ZNF701: variants seen among roughly 807,000 people sequenced by gnomAD.
The protein encoded by ZNF701 is zinc finger protein 701.
In ZNF701, 6 loss-of-function variants were observed where a neutral mutation model predicts 7.1. That is an observed-to-expected ratio of 0.84 (90% CI 0.46 to 1.66). The LOEUF is 1.66. Among genes scored for constraint, ZNF701 ranks in the 40% most tolerant of loss-of-function variants. The probability of loss-of-function intolerance (pLI) is 0.01; values close to 1 mark genes in which losing one functional copy is unlikely to be tolerated. For synonymous variants in ZNF701, 166 were observed against 188.2 expected (o/e 0.88, Z 0.97); for missense variants, 541 against 559.2 (o/e 0.97, Z 0.33).
chr19:52,572,507 T>G, intron 1 of ZNF701: 1 of 789,966 alleles, frequency 1.3e-6, no homozygotes, highest in South Asian at 1.7e-5. Context: ...TGAAAGAGGC[T>G]TCTCTAATTT....
At chr19:52,582,127 T>G in intron 3 of ZNF701, 75 bp from the exon 4 acceptor site, 1 of 1,286,538 alleles carries the variant, frequency 7.8e-7, no homozygotes, top group East Asian at 2.5e-5. Flanking sequence ...TTGTTTTTTA[T>G]GTAATATTTA....
chr19:52,579,384 G>A (rs2146988908), intron 3 of ZNF701, among the ~76,000 whole-genome samples: 1 of 141,204 alleles, frequency 7.1e-6, no homozygotes, highest in East Asian at 2.0e-4. Context: ...TTAGCCGGGT[G>A]TGGTGGCGGG....
intron 3 of ZNF701, among the ~76,000 whole-genome samples, chr19:52,578,448 A>G (rs994861911): frequency 6.6e-5 from 10 of 151,992 alleles, no homozygotes; most frequent in South Asian, 4.1e-4. Context: ...AATAAATATC[A>G]GCGCACCCAG....
In ZNF701 at chr19:52,575,996, G is replaced by A; in HGVS notation, c.117G>A (p.Glu39=). The change falls in exon 3 of 4, where the codon GAG becomes GAA. Residue 39 remains glutamate (E), a synonymous_variant. Coordinates refer to ENST00000391785, the MANE Select transcript of ZNF701 (RefSeq NM_018260.3). ...QRTLYRDVML[E]NYRNLVSLDT... Reference sequence around the variant, plus strand: ...CTCTATACAGAGACGTGATGCTGGAGAATTATAGGAACCTGGTCTCCCTGG... The same window carrying A: ...CTCTATACAGAGACGTGATGCTGGAAAATTATAGGAACCTGGTCTCCCTGG... 6.3e-7 allele frequency: 1 copy of A among 1,581,764 alleles called. No homozygotes were observed. Among genetic ancestry groups the A allele is most frequent in the Non-Finnish European group, 8.5e-7 (1 of 1,171,092 alleles).
At chr19:52,574,410 T>C (rs1412425717) in intron 2 of ZNF701, among the ~76,000 whole-genome samples, 1 of 152,018 alleles carries the variant, frequency 6.6e-6, no homozygotes, top group African/African-American at 2.4e-5. Context: ...TGTATGGAGA[T>C]GGGGTGAGGG....
At chr19:52,592,032 T>C (rs1406558060), downstream of ZNF701, 2 of 649,358 alleles carry the variant, frequency 3.1e-6, no homozygotes, top group Admixed American at 5.0e-5. Context: ...ATTTTCTCTT[T>C]TCTCATTTCA....
rs1979399 is a variant in ZNF701 at position 52,586,458 on chromosome 19, T to G, written c.*3001T>G. ...CTATCCAGGAGACGGGTTTCACCAT[T>G]TTGCCAGGTTTGTCTCAAACTCCTC... On this transcript the variant is annotated 3_prime_UTR_variant, in exon 4 of 4. Transcript: ENST00000391785. 0.3 allele frequency: 46,359 copies of G among 152,036 alleles called. 7,731 individuals are homozygous for G. Among genetic ancestry groups the G allele is most frequent in the African/African-American group, 0.43 (17,946 of 41,424 alleles). The allele number at this position is 152,036 out of a possible 1,614,324, so 9.4% of individuals were successfully genotyped here.
chr19:52,588,714 A>G, downstream of ZNF701: 1 of 229,884 alleles, frequency 4.4e-6, no homozygotes, highest in Middle Eastern at 1.9e-3. Context: ...GTCCTAACTC[A>G]CAAGTTTGCT....
At chr19:52,588,570 C>G (rs2060024559), downstream of ZNF701, 9 of 400,940 alleles carry the variant, frequency 2.2e-5, no homozygotes, top group South Asian at 1.7e-4. Context: ...AAGGAAGCCA[C>G]CAAGAAGGGC....
intron 3 of ZNF701, among the ~76,000 whole-genome samples, chr19:52,580,559 T>G (rs373160250): frequency 2.0e-5 from 3 of 152,162 alleles, no homozygotes; most frequent in Non-Finnish European, 2.9e-5. Flanking sequence ...GTGCTGTGTA[T>G]AGTTTTGACC....
chr19:52,573,364 C>T (rs1041897720), intron 1 of ZNF701, among the ~76,000 whole-genome samples: 3 of 152,138 alleles, frequency 2.0e-5, no homozygotes, highest in South Asian at 2.1e-4. Context: ...CTCAGCCTCC[C>T]GAGTAGCTGG....
rs370507557 is a variant in ZNF701 at position 52,575,916 on chromosome 19, G to T, written c.37G>T (p.Val13Leu). 1 of 1,541,416 alleles carries T rather than the reference G, an allele frequency of 6.5e-7. No homozygotes were observed. The part of the protein sequence containing the change: ...LLQGLLTFRD[V>L]AIEFSQEEWK... ...TCAGGGTCTACTGACATTCAGGGATGTGGCCATAGAATTCTCTCAGGAGGA... is the reference window on the plus strand; with the variant it reads ...TCAGGGTCTACTGACATTCAGGGATTTGGCCATAGAATTCTCTCAGGAGGA... The change falls in exon 3 of 4, where the codon GTG becomes TTG. Residue 13 changes from valine (V) to leucine (L), a missense_variant. By Grantham distance (32) the Val-to-Leu change is conservative (BLOSUM62 1). Coordinates refer to ENST00000391785, the MANE Select transcript of ZNF701 (RefSeq NM_018260.3).
At chr19:52,574,460 A>T (rs572573631) in intron 2 of ZNF701, among the ~76,000 whole-genome samples, 1 of 152,296 alleles carries the variant, frequency 6.6e-6, no homozygotes, top group East Asian at 1.9e-4. Context: ...GGGATTGTTC[A>T]GGGGCCACAT....
chr19:52,589,002 C>T (rs1158611330), downstream of ZNF701, among the ~76,000 whole-genome samples: 1 of 152,180 alleles, frequency 6.6e-6, no homozygotes, highest in African/African-American at 2.4e-5. Flanking sequence ...CGGTTTTTCA[C>T]TGTTACCAAG....
the ZNF701 span, chr19:52,596,896 GAGTT>G: frequency 5.4e-6 from 3 of 557,050 alleles, no homozygotes; most frequent in Non-Finnish European, 1.1e-5. Flanking sequence ...CAACATCAGA[GAGTT>G]TATACTGGAG....
rs2059995663 is a variant in ZNF701 at position 52,584,365 on chromosome 19, T to A, written c.*908T>A. On this transcript the variant is annotated 3_prime_UTR_variant, in exon 4 of 4. Transcript: ENST00000391785. ...GGGCCAGGCGTGTGGCTCACGCCTG[T>A]AAATCCAGCACTTTAGGAGCCCAAG... 6.1e-6 allele frequency: 1 copy of A among 164,050 alleles called. No homozygotes were observed. The highest frequency in any genetic ancestry group is 2.4e-5 in the African/African-American group (1 of 41,538). The allele number at this position is 164,050 out of a possible 1,614,324, so 10.2% of individuals were successfully genotyped here.
Position 52,571,411 on chromosome 19 carries a change from C to A in ZNF701, c.-72+1081C>A, listed in dbSNP as rs577572563. Among the ~76,000 whole-genome samples, 123 of 152,028 alleles carry A rather than the reference C, an allele frequency of 8.1e-4. No individual in the cohort carries two copies. In the Middle Eastern group the frequency reaches 0.01, roughly 13 times the overall value. ...AGAGAGAATTTAACAGGGAGAGCGG[C>A]AGAGATGCAGAGATGGGATAAGAGG... On this transcript the variant is annotated intron_variant, in intron 1 of 3. Coordinates refer to ENST00000391785, the MANE Select transcript of ZNF701 (RefSeq NM_018260.3).
chr19:52,600,106 TG>T, the ZNF701 span, among the ~76,000 whole-genome samples: 1 of 152,250 alleles, frequency 6.6e-6, no homozygotes, highest in Non-Finnish European at 1.5e-5. Context: ...CATCACATTC[TG>T]GTCTAAGGCT....
At position 52,586,294 on chromosome 19, in the gene ZNF701, A is replaced by T. The variant is rs1371964370; in HGVS notation, c.*2837A>T. 2 of 152,034 alleles carry T rather than the reference A, an allele frequency of 1.3e-5. No individual in the cohort carries two copies. Among genetic ancestry groups the T allele is most frequent in the Non-Finnish European group, 2.9e-5 (2 of 68,062 alleles). 9.4% of individuals were successfully genotyped at this position (152,034 alleles called of 1,614,324 possible). On this transcript the variant is annotated 3_prime_UTR_variant, in exon 4 of 4. Transcript: ENST00000391785. ...AGGGCTAAAGCGATCCAAGAGCATC[A>T]GCCTCCCAAAGTGCTGGGATTACAG...
Sources: gnomAD v4.1 joint callset for allele counts (sites outside exome capture counted in the v4.1 genomes callset) on GRCh38, gnomAD v4.1.1 for gene constraint, MANE v1.5 for transcripts, NCBI Gene and HGNC (gene_info 2026-07-23, HGNC 2026-07-21) for gene names.